ZP3: variants seen among roughly 807,000 people sequenced by gnomAD.
ZP3 encodes the protein zona pellucida glycoprotein 3, also known as zona pellucida sperm-binding protein 3.
In ZP3, 21 loss-of-function variants were observed where a neutral mutation model predicts 35.6. That is an observed-to-expected ratio of 0.59 (90% confidence interval 0.42 to 0.85). ZP3 has a LOEUF of 0.85. Ranked by LOEUF, ZP3 falls within the 40% of genes least tolerant of loss-of-function variation. The pLI is 0.00. For missense variants in ZP3, 437 were observed against 536.5 expected (o/e 0.81, Z 1.83); for synonymous variants, 207 against 214.5 (o/e 0.96, Z 0.31).
At chr7:76,404,330 G>C (rs762059584) in intron 1 of ZP3, 3 of 1,608,972 alleles carry the variant, frequency 1.9e-6, no homozygotes, top group Non-Finnish European at 2.5e-6. Context: ...GAGAAGGAAA[G>C]ACAGGGCTTG....
chr7:76,410,421 A>G (rs113595622), intron 1 of ZP3, among the ~76,000 whole-genome samples: 26,082 of 148,954 alleles, frequency 0.18, 3,346 homozygotes, highest in African/African-American at 0.37. Context: ...GTGTGATCTC[A>G]GCTCACAGCA....
At chr7:76,410,154 C>T (rs1805203326) in intron 1 of ZP3, among the ~76,000 whole-genome samples, 1 of 152,002 alleles carries the variant, frequency 6.6e-6, no homozygotes, top group African/African-American at 2.4e-5. Context: ...TGCCTCAGCG[C>T]CCGAGTACCT....
intron 1 of ZP3, among the ~76,000 whole-genome samples, chr7:76,416,236 T>G (rs1805367590): frequency 6.6e-6 from 1 of 151,712 alleles, no homozygotes; most frequent in Admixed American, 6.6e-5. Context: ...AAGACCAGCC[T>G]GGGCAACATG....
intron 1 of ZP3, among the ~76,000 whole-genome samples, chr7:76,413,407 C>T (rs1239981005): frequency 1.3e-5 from 2 of 152,024 alleles, no homozygotes; most frequent in Admixed American, 6.6e-5. Context: ...GGACTACAGG[C>T]GCATGCCACC....
At chr7:76,418,123 G>A (rs928793510) in intron 1 of ZP3, among the ~76,000 whole-genome samples, 13 of 151,092 alleles carry the variant, frequency 8.6e-5, no homozygotes, top group East Asian at 2.0e-4. Context: ...TGTTTTTAGC[G>A]GAGACAGGAT....
At chr7:76,432,201 T>TTTTC (rs1805850629) in intron 2 of ZP3, among the ~76,000 whole-genome samples, 1 of 151,510 alleles carries the variant, frequency 6.6e-6, no homozygotes, top group East Asian at 1.9e-4. Flanking sequence ...CTTTTCTTTT[T>TTTTC]TTTTTGAGAT....
At chr7:76,406,616 T>C (rs566097866) in intron 1 of ZP3, among the ~76,000 whole-genome samples, 2 of 152,146 alleles carry the variant, frequency 1.3e-5, no homozygotes, top group African/African-American at 4.8e-5. Context: ...CCTGAGGAGC[T>C]GGAACTGCAG....
intron 3 of ZP3, 133 bp downstream of exon 3, chr7:76,433,163 G>C: frequency 1.3e-6 from 1 of 791,604 alleles, no homozygotes; most frequent in Non-Finnish European, 2.0e-6. Context: ...GGTTGGTTTT[G>C]GTTGGTTTTT....
intron 2 of ZP3, among the ~76,000 whole-genome samples, chr7:76,432,372 G>A (rs897906463): frequency 1.3e-5 from 2 of 152,076 alleles, no homozygotes; most frequent in African/African-American, 4.8e-5. Flanking sequence ...TTTTAGTGGA[G>A]ATGGGGTTTC....
chr7:76,414,696 CTTTTTTTTTTTTTT>C (rs562055219), intron 1 of ZP3, among the ~76,000 whole-genome samples: 1 of 53,186 alleles, frequency 1.9e-5, no homozygotes, highest in African/African-American at 8.4e-5. Flanking sequence ...CCTCCTCCTC[CTTTTTTTTTTTTTT>C]TTTTTTTTTG....
At chr7:76,429,702 T>G (rs1040056310) in intron 2 of ZP3, 69 bp downstream of exon 2, 5 of 1,341,472 alleles carry the variant, frequency 3.7e-6, no homozygotes, top group Non-Finnish European at 5.3e-6. Context: ...GCAAGTGGGC[T>G]GGCTATGGGC....
exon 1 of ZP3, chr7:76,397,623 T>G: frequency 1.2e-6 from 2 of 1,613,364 alleles, no homozygotes; most frequent in Non-Finnish European, 1.7e-6. Flanking sequence ...CAGTGCACGT[T>G]GTCCAGCAGG....
chr7:76,415,195 G>T lies in ZP3; in HGVS notation c.-66-9857G>T, dbSNP rs970033417. On this transcript the variant is annotated intron_variant, in intron 1 of 8. Transcript: ENST00000336517. Reference sequence around the variant, plus strand: ...ATTCAAGACCAGCCTGGCCAACATGGTGAAACCCTGTCTCTGCTAAATTAG... The same window carrying T: ...ATTCAAGACCAGCCTGGCCAACATGTTGAAACCCTGTCTCTGCTAAATTAG... Among the ~76,000 whole-genome samples the T allele has an allele frequency of 4.0e-5, 6 of 151,604 alleles. No homozygotes were observed. In the South Asian group the frequency reaches 6.3e-4, roughly 16 times the overall value.
chr7:76,438,020 A>G (rs936358535), intron 5 of ZP3, among the ~76,000 whole-genome samples: 5 of 152,316 alleles, frequency 3.3e-5, no homozygotes, highest in Non-Finnish European at 5.9e-5. Context: ...CTGAATTTAC[A>G]TGGTTTCAAG....
chr7:76,402,383 T>C (rs887532321), intron 1 of ZP3, among the ~76,000 whole-genome samples: 14 of 152,076 alleles, frequency 9.2e-5, no homozygotes, highest in Non-Finnish European at 1.3e-4. Flanking sequence ...GGTCTCACCA[T>C]GTTGGCCAGG....
At position 76,433,586 on chromosome 7, in the gene ZP3, G is replaced by A. The variant is rs374513771; in HGVS notation, c.652G>A (p.Val218Met). Residue 218 changes from valine (V) to methionine (M), a missense_variant, in exon 4 of 8, where the codon GTG (valine) becomes ATG (methionine). By Grantham distance (21) the Val-to-Met change is conservative. Transcript: ENST00000394857. The stretch of plus-strand genomic sequence containing the variant: ...ACTGCGGTTGTTTGTGGACCACTGC[G>A]TGGCCACACCGACACCAGACCAGAA... The part of the protein sequence containing the change: ...VPLRLFVDHC[V>M]ATPTPDQNAS... 1.9e-5 allele frequency: 31 copies of A among 1,614,006 alleles called. No homozygotes were observed. Among genetic ancestry groups the A allele is most frequent in the Admixed American group, 1.0e-4 (6 of 59,992 alleles).
chr7:76,414,610 G>C (rs1318606389), intron 1 of ZP3, among the ~76,000 whole-genome samples: 1 of 150,052 alleles, frequency 6.7e-6, no homozygotes, highest in African/African-American at 2.5e-5. Flanking sequence ...TTCCATTTAG[G>C]ACAGTTAGGA....
intron 1 of ZP3, chr7:76,404,581 C>G: frequency 7.7e-7 from 1 of 1,295,682 alleles, no homozygotes; most frequent in South Asian, 1.2e-5. Flanking sequence ...TGCTTGCACC[C>G]AGGGGTTTGA....
chr7:76,429,748 G>T lies in ZP3; in HGVS notation c.431+115G>T, dbSNP rs1048474167. ...AGCATGGCTATTAGAACTACCTACC[G>T]AAGCATTTGCAGCTGTGGTTACTGT... On this transcript the variant is annotated intron_variant, in intron 2 of 7. Coordinates refer to ENST00000394857, the MANE Select transcript of ZP3 (RefSeq NM_001110354.2). 2.9e-4 allele frequency: 258 copies of T among 875,188 alleles called. 1 individual carries two copies. Among genetic ancestry groups the T allele is most frequent in the Non-Finnish European group, 2.2e-5 (12 of 534,138 alleles). The allele number at this position is 875,188 out of a possible 1,614,324, so 54.2% of individuals were successfully genotyped here. A position where few individuals can be genotyped will look rare whatever the true frequency, so the allele number is the denominator to read the frequency against.
Sources: gnomAD v4.1 joint callset for allele counts (sites outside exome capture counted in the v4.1 genomes callset) on GRCh38, gnomAD v4.1.1 for gene constraint, MANE v1.5 for transcripts, NCBI Gene and HGNC (gene_info 2026-07-23, HGNC 2026-07-21) for gene names.